SLC24A2: variants seen among roughly 807,000 people sequenced by gnomAD.
SLC24A2 encodes sodium/potassium/calcium exchanger 2.
A neutral mutation model predicts 62.0 loss-of-function variants in SLC24A2; 36 were observed. The ratio of observed to expected loss-of-function variants is 0.58; its 90% CI spans 0.44 to 0.77. The LOEUF (loss-of-function observed/expected upper bound fraction) is 0.77, where lower values mean the gene tolerates loss of function less well. SLC24A2 is among the 30% of genes least tolerant of loss of function. The pLI is 0.00. For synonymous variants in SLC24A2, 358 were observed against 294.0 expected (o/e 1.22, Z -2.23); for missense variants, 846 against 817.9 (o/e 1.03, Z -0.42).
chr9:20,186,907 T>C, the SLC24A2 span, among the ~76,000 whole-genome samples: 3 of 152,182 alleles, frequency 2.0e-5, no homozygotes, highest in African/African-American at 7.2e-5. Flanking sequence ...ATTCTGACCT[T>C]TGGGCAGGGG....
the SLC24A2 span, among the ~76,000 whole-genome samples, chr9:20,201,408 C>G: frequency 1.3e-5 from 2 of 152,154 alleles, no homozygotes; most frequent in African/African-American, 4.8e-5. Context: ...TGGCAAAAAA[C>G]CACAGCTAGA....
the SLC24A2 span, among the ~76,000 whole-genome samples, chr9:20,247,600 G>C: frequency 6.6e-6 from 1 of 152,200 alleles, no homozygotes; most frequent in African/African-American, 2.4e-5. Context: ...CAATCTGCCA[G>C]TGCCTTGATC....
chr9:20,118,428 A>G, the SLC24A2 span, among the ~76,000 whole-genome samples: 1,410 of 152,102 alleles, frequency 9.3e-3, 28 homozygotes, highest in African/African-American at 0.032. Flanking sequence ...AAAGACATAA[A>G]TGAATAAAGC....
the SLC24A2 span, among the ~76,000 whole-genome samples, chr9:19,894,745 G>A: frequency 1.3e-5 from 2 of 152,088 alleles, no homozygotes; most frequent in African/African-American, 4.8e-5. Flanking sequence ...TATTATACAA[G>A]TTCTCTCATC....
chr9:19,591,038 C>T (rs570235691), intron 5 of SLC24A2, among the ~76,000 whole-genome samples: 1 of 152,280 alleles, frequency 6.6e-6, no homozygotes, highest in Admixed American at 6.5e-5. Context: ...TTTGCTGGGC[C>T]TCCCCTTTTT....
the SLC24A2 span, among the ~76,000 whole-genome samples, chr9:20,223,172 T>G: frequency 6.6e-6 from 1 of 152,018 alleles, no homozygotes; most frequent in African/African-American, 2.4e-5. Flanking sequence ...AAAAGACACC[T>G]GGGGTAAATC....
chr9:20,044,512 C>T, the SLC24A2 span, among the ~76,000 whole-genome samples: 3 of 152,088 alleles, frequency 2.0e-5, no homozygotes, highest in Non-Finnish European at 2.9e-5. Context: ...GGAGTTACCG[C>T]TCATTCCATT....
the SLC24A2 span, among the ~76,000 whole-genome samples, chr9:19,808,992 G>A: frequency 1.1e-4 from 17 of 152,168 alleles, no homozygotes; most frequent in Admixed American, 1.1e-3. The surrounding 1 kb of genome is among the most constrained non-coding windows in gnomAD (Gnocchi z 4.1). Context: ...CTGAGGATGG[G>A]CCCCAATCTC....
chr9:20,292,710 C>A, the SLC24A2 span, among the ~76,000 whole-genome samples: 2 of 152,190 alleles, frequency 1.3e-5, no homozygotes, highest in South Asian at 4.1e-4. Context: ...CTCAAGTGAT[C>A]CTTTCACTTC....
intron 5 of SLC24A2, among the ~76,000 whole-genome samples, chr9:19,590,878 T>C (rs565812254): frequency 6.6e-6 from 1 of 152,328 alleles, no homozygotes; most frequent in East Asian, 1.9e-4. Flanking sequence ...CTCACTTTTC[T>C]CTTTCTACTA....
At chr9:19,523,451 GT>G (rs565870398) in intron 9 of SLC24A2, among the ~76,000 whole-genome samples, 5 of 150,194 alleles carry the variant, frequency 3.3e-5, no homozygotes, top group African/African-American at 9.8e-5. Flanking sequence ...TAAAAATCTA[GT>G]TTTTTTTTTA....
At chr9:20,039,152 G>A in the SLC24A2 span, among the ~76,000 whole-genome samples, 1 of 152,220 alleles carries the variant, frequency 6.6e-6, no homozygotes, top group Non-Finnish European at 1.5e-5. Context: ...GAAAGACGCT[G>A]AGCCAGACGG....
the SLC24A2 span, among the ~76,000 whole-genome samples, chr9:19,895,310 C>T: frequency 6.6e-6 from 1 of 150,912 alleles, no homozygotes; most frequent in Non-Finnish European, 1.5e-5. Context: ...AAATAAAAAT[C>T]TGAATACATT....
chr9:19,795,283 C>T, the SLC24A2 span, among the ~76,000 whole-genome samples: 1 of 145,112 alleles, frequency 6.9e-6, no homozygotes, highest in African/African-American at 2.5e-5. Flanking sequence ...ACCCCCACCC[C>T]CGGCCCAATG....
intron 7 of SLC24A2, among the ~76,000 whole-genome samples, chr9:19,558,924 T>A (rs888013287): frequency 2.6e-5 from 4 of 152,110 alleles, no homozygotes; most frequent in Non-Finnish European, 5.9e-5. Context: ...ATCTTGAGAG[T>A]GTCTTACCTA....
the SLC24A2 span, among the ~76,000 whole-genome samples, chr9:19,858,938 G>A: frequency 6.6e-6 from 1 of 152,218 alleles, no homozygotes; most frequent in East Asian, 1.9e-4. Flanking sequence ...ATATCAGTGT[G>A]GCAATTCCTT....
At chr9:19,633,130 T>G (rs1048284378) in intron 2 of SLC24A2, among the ~76,000 whole-genome samples, 1 of 152,252 alleles carries the variant, frequency 6.6e-6, no homozygotes, top group Non-Finnish European at 1.5e-5. Flanking sequence ...ATTGTATGTA[T>G]CAACAATTTG....
the SLC24A2 span, among the ~76,000 whole-genome samples, chr9:19,818,220 T>C: frequency 6.6e-6 from 1 of 152,106 alleles, no homozygotes; most frequent in Non-Finnish European, 1.5e-5. Context: ...AGCTCTGTTT[T>C]TCACAAAGTC....
the SLC24A2 span, among the ~76,000 whole-genome samples, chr9:19,918,239 T>C: frequency 1.3e-5 from 2 of 151,872 alleles, no homozygotes; most frequent in Non-Finnish European, 2.9e-5. Context: ...TTTTATTTGG[T>C]TGTAGTATAG....
Sources: gnomAD v4.1 joint callset for allele counts (sites outside exome capture counted in the v4.1 genomes callset) on GRCh38, gnomAD v4.1.1 for gene constraint, Gnocchi (gnomAD v3.1) non-coding constraint, MANE v1.5 for transcripts, NCBI Gene and HGNC (gene_info 2026-07-23, HGNC 2026-07-21) for gene names.